Variants in ZGRF1 observed in about 807,000 individuals in gnomAD.
ZGRF1 encodes 5'-3' DNA helicase ZGRF1.
ZGRF1 carries 196 observed loss-of-function variants against 203.5 expected under a neutral mutation model. The observed-to-expected ratio is 0.96, with a 90% confidence interval of 0.86 to 1.08. The LOEUF is 1.08. ZGRF1 is among the 50% of genes least tolerant of loss of function. ZGRF1 has a pLI of 0.00. For missense variants in ZGRF1, 2,326 were observed against 2,416.3 expected, an observed-to-expected ratio of 0.96 and a Z score of 0.78; for synonymous variants, 809 against 841.3, an observed-to-expected ratio of 0.96 and a Z score of 0.66.
chr4:112,606,793 A>C (rs1750837887), intron 8 of ZGRF1, among the ~76,000 whole-genome samples: 1 of 152,224 alleles, frequency 6.6e-6, no homozygotes. Flanking sequence ...GAAAAAGTGT[A>C]ATTGACTATT....
intron 10 of ZGRF1, among the ~76,000 whole-genome samples, chr4:112,598,229 C>T (rs1032427067): frequency 2.0e-5 from 3 of 152,070 alleles, no homozygotes; most frequent in Non-Finnish European, 2.9e-5. Flanking sequence ...GGAACTGACA[C>T]AGATTATATG....
At position 112,589,818 on chromosome 4, in the gene ZGRF1, C is replaced by T; in HGVS notation, c.3033G>A (p.Leu1011=). 6.2e-7 allele frequency: 1 copy of T among 1,613,206 alleles called. No homozygotes were observed. The highest frequency in any genetic ancestry group is 8.5e-7 in the Non-Finnish European group (1 of 1,179,514). The change falls in exon 11 of 28, where the codon TTG becomes TTA. Residue 1011 remains leucine (L), a synonymous_variant. Coordinates refer to ENST00000505019, the MANE Select transcript of ZGRF1 (RefSeq NM_018392.5). ...CCATGAAGTCTTCATCTCTTGAGTT[C>T]AAAGAAAAGGTAGAAACAGGGCTCA... ...STLSPVSTFS[L]NSRDEDFMVE... is the part of the protein sequence containing the mutation.
chr4:112,556,352 A>C (rs906579564), intron 20 of ZGRF1, among the ~76,000 whole-genome samples: 6 of 152,210 alleles, frequency 3.9e-5, no homozygotes, highest in African/African-American at 1.4e-4. Flanking sequence ...GTATGGTATA[A>C]GAAAATCATT....
chr4:112,561,911 C>CTTTTTT (rs11385405), intron 18 of ZGRF1, among the ~76,000 whole-genome samples: 9 of 108,164 alleles, frequency 8.3e-5, no homozygotes, highest in South Asian at 3.2e-4. Flanking sequence ...TTCCTTTTCT[C>CTTTTTT]TTTTTTTTTT....
Position 112,589,871 on chromosome 4 carries a change from TC to T in ZGRF1, c.2979del (p.Thr994HisfsTer10), listed in dbSNP as rs746731394. On this transcript the variant is annotated frameshift_variant and splice_region_variant, in exon 11 of 28. Transcript: ENST00000505019. LOFTEE classifies it high-confidence loss of function. ...GTAGAGATGTTTTCTTCTGGTGATG[TC>T]ACCTATACAGAAAGAAGAATCAAAA... ...STCMQIDFLQVTSPEENISTL... is the reference protein window; with the variant it reads ...STCMQIDFLQXTSPEENISTL... 5 of 1,570,128 alleles carry T rather than the reference TC, an allele frequency of 3.2e-6. No individual in the cohort carries two copies. The African/African-American group carries it at 6.9e-5, about 22-fold the overall frequency.
Position 112,540,117 on chromosome 4 carries a change from T to A in ZGRF1, c.5918A>T (p.His1973Leu). 6.5e-7 allele frequency: 1 copy of A among 1,548,696 alleles called. No individual in the cohort carries two copies. The highest frequency in any genetic ancestry group is 2.3e-5 in the East Asian group (1 of 43,196). The part of the protein sequence containing the change: ...LYKSQMYKLC[H>L]LLSAVDFHHP... ...GTGAAAGTCCACAGCACTGAGTAAA[T>A]GACAAAGCTGTGGAAGAAAAAACAG... is the stretch of plus-strand genomic sequence containing the variant. Residue 1973 changes from histidine to leucine, a missense_variant, in exon 27 of 28, where the codon CAT (histidine) becomes CTT (leucine). Transcript: ENST00000505019.
chr4:112,618,754 C>G lies in ZGRF1; in HGVS notation c.1288G>C (p.Glu430Gln), dbSNP rs1315187740. 3 of 1,610,542 alleles carry G rather than the reference C, an allele frequency of 1.9e-6. No individual in the cohort carries two copies. The highest frequency in any genetic ancestry group is 1.1e-5 in the South Asian group (1 of 90,976). The change falls in exon 6 of 28, where the codon GAA (glutamate) becomes CAA (glutamine). Residue 430 changes from glutamate to glutamine, a missense_variant. Transcript: ENST00000505019. ...TTATTATCTTCTTGAATGTCAGATTCTGATAATATACCATCATTTTCTGCA... is the reference window on the plus strand; with the variant it reads ...TTATTATCTTCTTGAATGTCAGATTGTGATAATATACCATCATTTTCTGCA... ...SSAENDGILS[E>Q]SDIQEDNKIP...
intron 10 of ZGRF1, among the ~76,000 whole-genome samples, chr4:112,597,505 G>C (rs1406909596): frequency 6.6e-6 from 1 of 151,928 alleles, no homozygotes; most frequent in African/African-American, 2.4e-5. Context: ...GCCTAAGGAA[G>C]AGAGTGAGAC....
chr4:112,551,437 T>G lies in ZGRF1; in HGVS notation c.5346+2398A>C, dbSNP rs183524123. Among the ~76,000 whole-genome samples, 383 of 152,332 alleles carry G rather than the reference T, an allele frequency of 2.5e-3. 3 individuals are homozygous for G. Among genetic ancestry groups the G allele is most frequent in the Admixed American group, 0.022 (333 of 15,302 alleles). ...GCAGTTCATACCAACTGACCATACCTTTTTTCAACAAACTAACAAAAAATA... is the reference window on the plus strand; with the variant it reads ...GCAGTTCATACCAACTGACCATACCGTTTTTCAACAAACTAACAAAAAATA... On this transcript the variant is annotated intron_variant, in intron 22 of 27. Transcript: ENST00000505019.
At position 112,589,873 on chromosome 4, in the gene ZGRF1, A is replaced by G; in HGVS notation, c.2978T>C (p.Val993Ala). Reference sequence around the variant, plus strand: ...AGAGATGTTTTCTTCTGGTGATGTCACCTATACAGAAAGAAGAATCAAAAC... The same window carrying G: ...AGAGATGTTTTCTTCTGGTGATGTCGCCTATACAGAAAGAAGAATCAAAAC... The part of the protein sequence containing the change: ...STCMQIDFLQ[V>A]TSPEENISTL... The change falls in exon 11 of 28, where the codon GTG (valine) becomes GCG (alanine). Residue 993 changes from valine (V) to alanine (A), a missense_variant and splice_region_variant. Val to Ala is a moderately conservative substitution (Grantham distance 64, BLOSUM62 0). Coordinates refer to ENST00000505019, the MANE Select transcript of ZGRF1 (RefSeq NM_018392.5). 6.4e-7 allele frequency: 1 copy of G among 1,558,908 alleles called. No homozygotes were observed. Among genetic ancestry groups the G allele is most frequent in the Non-Finnish European group, 8.6e-7 (1 of 1,156,704 alleles).
intron 16 of ZGRF1, 112 bp downstream of exon 16, chr4:112,581,551 T>G (rs58897804): frequency 0.42 from 211,721 of 503,188 alleles, 45,193 homozygotes; most frequent in South Asian, 0.5. Context: ...TACTATTAAA[T>G]TATACTTTTA....
At position 112,617,717 on chromosome 4, in the gene ZGRF1, G is replaced by C; in HGVS notation, c.2325C>G (p.Ser775=). Residue 775 remains serine, a synonymous_variant, in exon 6 of 28, where the codon TCC becomes TCG. Transcript: ENST00000505019. ...CAGATATATGTGCTTCTGTGTCTTTGGAAATAAGATGCTTTTTTCCCAGTG... is the reference window on the plus strand; with the variant it reads ...CAGATATATGTGCTTCTGTGTCTTTCGAAATAAGATGCTTTTTTCCCAGTG... The part of the protein sequence containing the change: ...FYPLGKKHLI[S]KDTEAHISEP... The C allele has an allele frequency of 6.2e-7, 1 of 1,614,020 alleles. No homozygotes were observed. The highest frequency in any genetic ancestry group is 8.5e-7 in the Non-Finnish European group (1 of 1,179,974).
chr4:112,564,679 G>A (rs1742669960), intron 16 of ZGRF1, among the ~76,000 whole-genome samples: 1 of 151,852 alleles, frequency 6.6e-6, no homozygotes, highest in Non-Finnish European at 1.5e-5. Context: ...TGTATTACTT[G>A]TTTAATTTTT....
chr4:112,548,155 G>C, intron 23 of ZGRF1, 98 bp downstream of exon 23: 1 of 1,043,702 alleles, frequency 9.6e-7, no homozygotes, highest in Non-Finnish European at 1.4e-6. Flanking sequence ...TGTCCAAGCT[G>C]GTCGCAAACT....
At chr4:112,550,232 T>C (rs958777164) in intron 22 of ZGRF1, among the ~76,000 whole-genome samples, 7 of 151,322 alleles carry the variant, frequency 4.6e-5, no homozygotes, top group African/African-American at 1.5e-4. Context: ...TGGGACAAGA[T>C]GTAGAGGTGG....
At chr4:112,569,107 G>C (rs1396266102) in intron 16 of ZGRF1, among the ~76,000 whole-genome samples, 1 of 152,190 alleles carries the variant, frequency 6.6e-6, no homozygotes, top group Non-Finnish European at 1.5e-5. Context: ...TAAAATATTT[G>C]AAAGTGCTGT....
chr4:112,609,871 T>G (rs996164478), intron 7 of ZGRF1, among the ~76,000 whole-genome samples: 1 of 151,988 alleles, frequency 6.6e-6, no homozygotes, highest in African/African-American at 2.4e-5. Flanking sequence ...CCAGGCATTG[T>G]GGCTCACACC....
intron 16 of ZGRF1, among the ~76,000 whole-genome samples, chr4:112,572,073 TAAAAAG>T (rs1744310902): frequency 6.6e-6 from 1 of 151,932 alleles, no homozygotes; most frequent in African/African-American, 2.4e-5. Flanking sequence ...AATTGGTAAT[TAAAAAG>T]AAAAAGATGA....
intron 3 of ZGRF1, among the ~76,000 whole-genome samples, chr4:112,629,286 A>G (rs2047332649): frequency 6.6e-6 from 1 of 152,256 alleles, no homozygotes; most frequent in African/African-American, 2.4e-5. Context: ...GAGATAATGA[A>G]GTAATTCGAA....
Sources: allele counts gnomAD v4.1 joint callset (sites outside exome capture counted in the v4.1 genomes callset), GRCh38; gene constraint gnomAD v4.1.1; transcripts MANE v1.5; gene names NCBI Gene and HGNC (gene_info 2026-07-23, HGNC 2026-07-21).